The following PKIA variants were observed in gnomAD, a reference collection of about 807,000 sequenced individuals.
PKIA encodes the protein PKI-alpha.
PKIA carries 4 observed loss-of-function variants against 7.6 expected under a neutral mutation model. The ratio of observed to expected loss-of-function variants is 0.52; its 90% confidence interval spans 0.26 to 1.20. The LOEUF is 1.20. Ranked by LOEUF, PKIA falls within the 50% of genes most tolerant of loss-of-function variation. The pLI is 0.13. For missense variants in PKIA, 73 were observed against 86.2 expected, an observed-to-expected ratio of 0.85 and a Z score of 0.61; for synonymous variants, 21 against 30.7, an observed-to-expected ratio of 0.68 and a Z score of 1.04.
chr8:78,543,350 A>G (rs1225826043), intron 1 of PKIA, among the ~76,000 whole-genome samples: 4 of 152,124 alleles, frequency 2.6e-5, no homozygotes. Context: ...TATCCTTCGT[A>G]TGTGGTCTGT....
intron 1 of PKIA, among the ~76,000 whole-genome samples, chr8:78,571,431 C>T (rs1807544837): frequency 6.6e-6 from 1 of 152,120 alleles, no homozygotes; most frequent in Non-Finnish European, 1.5e-5. Flanking sequence ...TGTGCTATCA[C>T]CTGCAAATAC....
At chr8:78,536,845 G>A (rs1257528305) in intron 1 of PKIA, among the ~76,000 whole-genome samples, 2 of 145,162 alleles carry the variant, frequency 1.4e-5, no homozygotes, top group Non-Finnish European at 3.0e-5. Flanking sequence ...ACTTATCTGG[G>A]TAGCTAGAAA....
chr8:78,585,476 G>T (rs989461077), intron 2 of PKIA, among the ~76,000 whole-genome samples: 3 of 151,996 alleles, frequency 2.0e-5, no homozygotes, highest in African/African-American at 7.2e-5. Context: ...TTAATAAAAA[G>T]ATTAACAAAA....
intron 2 of PKIA, among the ~76,000 whole-genome samples, chr8:78,586,603 A>G (rs1370341740): frequency 6.6e-6 from 1 of 152,204 alleles, no homozygotes; most frequent in Non-Finnish European, 1.5e-5. Flanking sequence ...GTGTCAATTA[A>G]TACTCTGCAT....
intron 1 of PKIA, among the ~76,000 whole-genome samples, chr8:78,524,026 ATATAAAC>A (rs1809479437): frequency 7.4e-6 from 1 of 135,216 alleles, no homozygotes; most frequent in African/African-American, 2.7e-5. Flanking sequence ...ATAAACGTTT[ATATAAAC>A]GTTTATATAT....
chr8:78,554,137 G>A (rs867910526), intron 1 of PKIA, among the ~76,000 whole-genome samples: 3 of 151,978 alleles, frequency 2.0e-5, no homozygotes, highest in Non-Finnish European at 4.4e-5. Context: ...AGAATCATGG[G>A]CCATTCCCAT....
At chr8:78,518,124 A>C (rs1809349939) in intron 1 of PKIA, among the ~76,000 whole-genome samples, 1 of 152,220 alleles carries the variant, frequency 6.6e-6, no homozygotes, top group South Asian at 2.1e-4. Flanking sequence ...GTTTTTACAA[A>C]ATGCACTTTA....
intron 1 of PKIA, among the ~76,000 whole-genome samples, chr8:78,520,854 T>G (rs1326701566): frequency 6.6e-6 from 1 of 152,162 alleles, no homozygotes; most frequent in Non-Finnish European, 1.5e-5. Flanking sequence ...TGTGCTCCCT[T>G]GGACAATATG....
chr8:78,534,874 T>C (rs1806481273), intron 1 of PKIA: 2 of 152,154 alleles, frequency 1.3e-5, no homozygotes, highest in African/African-American at 4.8e-5. Context: ...TAATAGAAGT[T>C]AGTGAGCAGT....
chr8:78,524,047 AAT>A (rs1451265541), intron 1 of PKIA, among the ~76,000 whole-genome samples: 2 of 127,794 alleles, frequency 1.6e-5, no homozygotes, highest in African/African-American at 3.2e-5. Flanking sequence ...TATATATATA[AAT>A]ATATATAAAC....
At chr8:78,549,804 A>T (rs1806938010) in intron 1 of PKIA, among the ~76,000 whole-genome samples, 1 of 151,830 alleles carries the variant, frequency 6.6e-6, no homozygotes, top group Admixed American at 6.6e-5. Flanking sequence ...TCAGTGAAAC[A>T]AAGGTCCATT....
At chr8:78,585,131 T>C (rs1026783109) in intron 2 of PKIA, among the ~76,000 whole-genome samples, 2 of 152,012 alleles carry the variant, frequency 1.3e-5, no homozygotes, top group African/African-American at 4.8e-5. Context: ...ATTTTGTTAG[T>C]ATAGCGATTT....
At chr8:78,588,039 G>A (rs1043307246) in intron 2 of PKIA, among the ~76,000 whole-genome samples, 3 of 152,094 alleles carry the variant, frequency 2.0e-5, no homozygotes, top group Non-Finnish European at 2.9e-5. Context: ...TAGTGGATTC[G>A]AAAATCAAAG....
intron 2 of PKIA, among the ~76,000 whole-genome samples, chr8:78,585,285 A>T (rs1057202824): frequency 2.0e-5 from 3 of 152,028 alleles, no homozygotes; most frequent in Non-Finnish European, 4.4e-5. Flanking sequence ...ATTTACACTT[A>T]CATTTAAATC....
intron 1 of PKIA, among the ~76,000 whole-genome samples, chr8:78,538,936 C>T (rs1806604554): frequency 1.3e-5 from 2 of 151,980 alleles, no homozygotes; most frequent in Admixed American, 1.3e-4. Context: ...GTTTCTTCCA[C>T]ATCTATGAGT....
At chr8:78,542,517 G>A (rs1806718531) in intron 1 of PKIA, among the ~76,000 whole-genome samples, 1 of 152,158 alleles carries the variant, frequency 6.6e-6, no homozygotes, top group Non-Finnish European at 1.5e-5. Flanking sequence ...CGTCAGAAAT[G>A]TAAAAGGCCA....
At chr8:78,578,240 C>T (rs1185664652) in intron 2 of PKIA, among the ~76,000 whole-genome samples, 2 of 151,862 alleles carry the variant, frequency 1.3e-5, no homozygotes, top group African/African-American at 4.8e-5. Context: ...TTGTTATGAT[C>T]GTTTATGAAA....
At chr8:78,580,176 A>C (rs1307583449) in intron 2 of PKIA, among the ~76,000 whole-genome samples, 1 of 152,026 alleles carries the variant, frequency 6.6e-6, no homozygotes, top group East Asian at 1.9e-4. Flanking sequence ...AAATATTATA[A>C]ATTTTGTCAC....
In PKIA at chr8:78,524,024, T is replaced by TTATATATATAAATATATATAAATA. The variant is rs368530357; in HGVS notation, c.-157+7562_-157+7563insTATAAATATATATAAATATATATA. 4.8e-5 allele frequency among the ~76,000 whole-genome samples: 4 copies of TTATATATATAAATATATATAAATA among 83,552 alleles called. 1 individual carries two copies. The highest frequency in any genetic ancestry group is 1.9e-4 in the African/African-American group (3 of 15,762). 54.8% of individuals were successfully genotyped at this position (83,552 alleles called of 152,430 possible). A position where few individuals can be genotyped will look rare whatever the true frequency, so the allele number is the denominator to read the frequency against. ...TTTATATATAAATATATATAAACGT[T>TTATATATATAAATATATATAAATA]TATATAAACGTTTATATATATAAAT... On this transcript the variant is annotated intron_variant, in intron 1 of 3. Coordinates refer to ENST00000396418, the MANE Select transcript of PKIA (RefSeq NM_006823.4).
Sources: gnomAD v4.1 joint callset for allele counts (sites outside exome capture counted in the v4.1 genomes callset) on GRCh38, gnomAD v4.1.1 for gene constraint, MANE v1.5 for transcripts, NCBI Gene and HGNC (gene_info 2026-07-23, HGNC 2026-07-21) for gene names.